The following POLR1E variants were observed in gnomAD, a reference collection of about 807,000 sequenced individuals.
The protein encoded by POLR1E is RNA polymerase I subunit E, also known as DNA-directed RNA polymerase I subunit RPA49.
In POLR1E, 37 loss-of-function variants were observed where a neutral mutation model predicts 50.9. That is an observed-to-expected ratio of 0.73 (90% CI 0.56 to 0.96). The LOEUF (loss-of-function observed/expected upper bound fraction) is 0.96. Among genes scored for constraint, POLR1E ranks in the 40% least tolerant of loss-of-function variants. POLR1E has a pLI of 0.00. For missense variants in POLR1E, 426 were observed against 518.1 expected (o/e 0.82, Z 1.73); for synonymous variants, 166 against 191.6 (o/e 0.87, Z 1.10).
chr9:37,503,401 A>G lies in POLR1E; in HGVS notation c.*199A>G. On this transcript the variant is annotated 3_prime_UTR_variant, in exon 12 of 12. Coordinates refer to ENST00000377798, the MANE Select transcript of POLR1E (RefSeq NM_022490.4). ...AAACCAGTCTGGACAACATAGGGAGACCCCATCTCTACCGGAGGAAAAAAA... is the reference window on the plus strand; with the variant it reads ...AAACCAGTCTGGACAACATAGGGAGGCCCCATCTCTACCGGAGGAAAAAAA... 2.1e-6 allele frequency: 1 copy of G among 479,170 alleles called. No homozygotes were observed. The highest frequency in any genetic ancestry group is 3.4e-6 in the Non-Finnish European group (1 of 293,688). The allele number at this position is 479,170 out of a possible 1,614,324, so 29.7% of individuals were successfully genotyped here.
intron 11 of POLR1E, 74 bp from the exon 12 acceptor site, chr9:37,502,969 C>A: frequency 7.0e-7 from 1 of 1,423,670 alleles, no homozygotes; most frequent in Non-Finnish European, 9.5e-7. Flanking sequence ...GAATGTGCTG[C>A]TACCTTTTGC....
chr9:37,495,405 G>T, intron 7 of POLR1E, 129 bp downstream of exon 7: 1 of 775,362 alleles, frequency 1.3e-6, no homozygotes, highest in Non-Finnish European at 2.2e-6. Flanking sequence ...AACCTTTGCA[G>T]TTGCTCAGTG....
At position 37,486,735 on chromosome 9, in the gene POLR1E, G is replaced by T; in HGVS notation, c.109G>T (p.Gly37Cys). Residue 37 changes from glycine (G) to cysteine (C), a missense_variant, in exon 2 of 12, where the codon GGC (glycine) becomes TGC (cysteine). Transcript: ENST00000377798. Reference protein sequence around the residue: ...QFSNGKLQSPGNMRFTLYENK... With the variant: ...QFSNGKLQSPCNMRFTLYENK... ...CTCCAACGGGAAGCTACAGAGTCCA[G>T]GCAACATGCGCTTTACCTTGTATGA... 1.2e-6 allele frequency: 2 copies of T among 1,614,204 alleles called. No homozygotes were observed. The highest frequency in any genetic ancestry group is 8.5e-7 in the Non-Finnish European group (1 of 1,180,046).
chr9:37,503,539 C>G lies in POLR1E; in HGVS notation c.*337C>G, dbSNP rs1820933288. On this transcript the variant is annotated 3_prime_UTR_variant, in exon 12 of 12. Transcript: ENST00000377798. ...GTTGCAGTGAGCTATGATTGTGTGG[C>G]CACACTCCATCCTGGGTCACAGAGT... The G allele has an allele frequency of 5.5e-6, 1 of 182,500 alleles. No homozygotes were observed. Among genetic ancestry groups the G allele is most frequent in the Non-Finnish European group, 1.1e-5 (1 of 87,470 alleles). 11.3% of individuals were successfully genotyped at this position (182,500 alleles called of 1,614,324 possible). A position where few individuals can be genotyped will look rare whatever the true frequency, so the allele number is the denominator to read the frequency against.
At chr9:37,486,860 G>T in intron 2 of POLR1E, 54 bp downstream of exon 2, 1 of 1,552,000 alleles carries the variant, frequency 6.4e-7, no homozygotes. Context: ...GAAGGCCCCT[G>T]GGAGTGGGTG....
chr9:37,493,920 G>T (rs1302903297), intron 6 of POLR1E, among the ~76,000 whole-genome samples: 3 of 152,180 alleles, frequency 2.0e-5, no homozygotes, highest in Non-Finnish European at 2.9e-5. Context: ...ACAGGGACAG[G>T]CATGGAATGG....
intron 9 of POLR1E, among the ~76,000 whole-genome samples, chr9:37,500,327 G>T (rs1342212636): frequency 2.0e-5 from 3 of 151,766 alleles, no homozygotes; most frequent in Non-Finnish European, 4.4e-5. Context: ...TGGGATTAGA[G>T]GTTTGCGCCA....
chr9:37,488,101 C>T (rs1820611048), intron 3 of POLR1E, among the ~76,000 whole-genome samples, 162 bp downstream of exon 3: 1 of 152,140 alleles, frequency 6.6e-6, no homozygotes, highest in African/African-American at 2.4e-5. Context: ...CTTCCCTGCA[C>T]GTGTAGACGT....
chr9:37,490,572 TTC>T (rs1446021545), intron 4 of POLR1E: 1 of 721,616 alleles, frequency 1.4e-6, no homozygotes, highest in Non-Finnish European at 2.5e-6. Context: ...CTAATCATCT[TTC>T]TTCACCCGTT....
chr9:37,499,861 C>T (rs199683987), intron 9 of POLR1E, among the ~76,000 whole-genome samples: 13,816 of 132,286 alleles, frequency 0.1, 828 homozygotes, highest in Middle Eastern at 0.23. Context: ...TTTTTTTTTT[C>T]TTTTTTTGAG....
chr9:37,490,531 A>G, intron 4 of POLR1E: 1 of 755,718 alleles, frequency 1.3e-6, no homozygotes, highest in Non-Finnish European at 2.4e-6. Flanking sequence ...AGTTGAACCC[A>G]GGTACCTTTC....
In POLR1E at chr9:37,493,678, T is replaced by C. The variant is rs780243720; in HGVS notation, c.522T>C (p.Thr174=). Residue 174 remains threonine, a synonymous_variant, in exon 6 of 12, where the codon ACT becomes ACC. Coordinates refer to ENST00000377798, the MANE Select transcript of POLR1E (RefSeq NM_022490.4). ...LNRAVAKAAE[T]IIDTKGVTAL... Reference sequence around the variant, plus strand: ...GTGCAGTGGCTAAAGCTGCAGAGACTATCATTGATACGAAGGGTGTGACTG... The same window carrying C: ...GTGCAGTGGCTAAAGCTGCAGAGACCATCATTGATACGAAGGGTGTGACTG... The C allele has an allele frequency of 1.4e-5, 23 of 1,588,548 alleles. No individual in the cohort carries two copies. The highest frequency in any genetic ancestry group is 1.9e-5 in the Non-Finnish European group (22 of 1,165,768).
intron 7 of POLR1E, 146 bp downstream of exon 7, chr9:37,495,422 C>G: frequency 1.4e-6 from 1 of 701,960 alleles, no homozygotes; most frequent in Middle Eastern, 2.6e-4. Context: ...AGTGCTCTTG[C>G]CAGGAGGTTA....
chr9:37,493,369 G>C (rs1264175309), intron 5 of POLR1E, among the ~76,000 whole-genome samples, 190 bp from the exon 6 acceptor site: 1 of 152,166 alleles, frequency 6.6e-6, no homozygotes, highest in Non-Finnish European at 1.5e-5. Flanking sequence ...AGATGCTGTT[G>C]ATTGATCAAT....
chr9:37,493,965 T>C lies in POLR1E; in HGVS notation c.547+262T>C, dbSNP rs76924552. On this transcript the variant is annotated intron_variant, in intron 6 of 11. Coordinates refer to ENST00000377798, the MANE Select transcript of POLR1E (RefSeq NM_022490.4). ...TGCCGTGCTTATGGTGCTGGGGTTA[T>C]GGCCTGCAGGGCACAGAGGAGGGAG... 1.2e-3 allele frequency among the ~76,000 whole-genome samples: 189 copies of C among 152,262 alleles called. 2 individuals are homozygous for C. The highest frequency in any genetic ancestry group is 6.6e-3 in the East Asian group (34 of 5,186).
rs12004135 is a variant in POLR1E at position 37,498,055 on chromosome 9, C to G, written c.753-36C>G. On this transcript the variant is annotated intron_variant, in intron 8 of 11. Coordinates refer to ENST00000377798, the MANE Select transcript of POLR1E (RefSeq NM_022490.4). ...TAGTTCCTGACAGAGCCCATCTTAC[C>G]CTGACACAGGCCTCCTTTTCTTTTC... The G allele has an allele frequency of 4.3e-3, 6,942 of 1,605,644 alleles. 231 individuals carry two copies. The African/African-American group carries it at 0.081, about 19-fold the overall frequency.
intron 8 of POLR1E, among the ~76,000 whole-genome samples, chr9:37,497,256 G>A (rs1432401564): frequency 1.3e-5 from 2 of 152,240 alleles, no homozygotes; most frequent in Non-Finnish European, 1.5e-5. Context: ...TCAGGAGACT[G>A]AGGCAGGAGA....
chr9:37,486,205 G>T, intron 1 of POLR1E, 82 bp downstream of exon 1: 1 of 1,466,144 alleles, frequency 6.8e-7, no homozygotes, highest in Non-Finnish European at 9.1e-7. Context: ...CTCGCCCTCC[G>T]TTGGGCTTCT....
At chr9:37,489,577 T>G (rs971109706) in intron 4 of POLR1E, among the ~76,000 whole-genome samples, 177 bp downstream of exon 4, 2 of 152,090 alleles carry the variant, frequency 1.3e-5, no homozygotes, top group Non-Finnish European at 2.9e-5. Flanking sequence ...CTGTTTTTTG[T>G]TTTTTGTTTT....
Sources: gnomAD v4.1 joint callset for allele counts (sites outside exome capture counted in the v4.1 genomes callset) on GRCh38, gnomAD v4.1.1 for gene constraint, MANE v1.5 for transcripts, NCBI Gene and HGNC (gene_info 2026-07-23, HGNC 2026-07-21) for gene names.